The following ITGAL variants were observed in gnomAD, a reference collection of about 807,000 sequenced individuals.
The protein encoded by ITGAL is integrin subunit alpha L, also known as integrin alpha-L.
A neutral mutation model predicts 138.4 loss-of-function variants in ITGAL; 68 were observed. The ratio of observed to expected loss-of-function variants is 0.49; its 90% CI spans 0.40 to 0.60. ITGAL has a LOEUF of 0.60. ITGAL is among the 20% of genes least tolerant of loss of function. The probability of loss-of-function intolerance (pLI) is 0.00; values close to 1 mark genes in which losing one functional copy is unlikely to be tolerated. For synonymous variants in ITGAL, 561 were observed against 584.3 expected, an observed-to-expected ratio of 0.96 and a Z score of 0.57; for missense variants, 1,256 against 1,478.6, an observed-to-expected ratio of 0.85 and a Z score of 2.47.
chr16:30,499,733 A>ATATATATATT, intron 17 of ITGAL, among the ~76,000 whole-genome samples: 3 of 88,386 alleles, frequency 3.4e-5, no homozygotes, highest in African/African-American at 6.0e-5. Flanking sequence ...ATATATATAT[A>ATATATATATT]TTTTTTTTTT....
chr16:30,473,412 G>A (rs559414493), intron 1 of ITGAL, among the ~76,000 whole-genome samples: 98 of 152,356 alleles, frequency 6.4e-4, no homozygotes, highest in Non-Finnish European at 1.2e-3. Flanking sequence ...CAGCCTGGGT[G>A]ACAGAGCAAG....
Position 30,481,603 on chromosome 16 carries a change from G to A in ITGAL, c.722+19G>A, listed in dbSNP as rs756707999. The stretch of plus-strand genomic sequence containing the variant: ...ATGTCGCGTGAGTTCCCTTTTGCAG[G>A]AGAGCACGTGTCCTGTGATTTGTTC... On this transcript the variant is annotated intron_variant, in intron 7 of 30. Transcript: ENST00000356798. The A allele has an allele frequency of 1.9e-6, 3 of 1,612,640 alleles. No homozygotes were observed. The highest frequency in any genetic ancestry group is 2.5e-6 in the Non-Finnish European group (3 of 1,179,172).
intron 25 of ITGAL, among the ~76,000 whole-genome samples, chr16:30,515,831 G>A (rs1193591619): frequency 4.6e-5 from 7 of 152,148 alleles, no homozygotes; most frequent in Non-Finnish European, 7.3e-5. Context: ...AATTAGCTAG[G>A]TGTGGTGGTG....
At chr16:30,484,337 G>C (rs529546830) in intron 9 of ITGAL, 74 bp downstream of exon 9, 1 of 1,431,088 alleles carries the variant, frequency 7.0e-7, no homozygotes, top group Non-Finnish European at 9.5e-7. Context: ...GGCCGGGCTT[G>C]GTGGCTCACA....
At chr16:30,489,195 G>C (rs567186033) in intron 10 of ITGAL, 40 bp downstream of exon 10, 1 of 1,613,894 alleles carries the variant, frequency 6.2e-7, no homozygotes, top group South Asian at 1.1e-5. Context: ...AGGGAGTGCA[G>C]TTGGCTCTGG....
Position 30,499,073 on chromosome 16 carries a change from G to T in ITGAL, c.1833-1G>T. 6.2e-7 allele frequency: 1 copy of T among 1,613,746 alleles called. No homozygotes were observed. Among genetic ancestry groups the T allele is most frequent in the Non-Finnish European group, 8.5e-7 (1 of 1,179,814 alleles). ...AGAGTTGGTTGCCTTCTGCCCTGCA[G>T]CTCCCGGCCCGTGGTGGATATGGTC... On this transcript the variant is annotated splice_acceptor_variant, in intron 15 of 30. Transcript: ENST00000356798. LOFTEE classifies it high-confidence loss of function.
intron 28 of ITGAL, 43 bp downstream of exon 28, chr16:30,517,938 C>T (rs753698604): frequency 6.4e-7 from 1 of 1,562,912 alleles, no homozygotes; most frequent in Non-Finnish European, 8.8e-7. Context: ...TGTGGGGGCC[C>T]CAATGCCTGG....
intron 21 of ITGAL, among the ~76,000 whole-genome samples, chr16:30,509,848 G>A (rs1411824828): frequency 6.6e-6 from 1 of 151,960 alleles, no homozygotes; most frequent in African/African-American, 2.4e-5. Context: ...AGAGCAGCCT[G>A]AGTGACATAC....
In ITGAL at chr16:30,517,642, T is replaced by C; in HGVS notation, c.2977-7T>C. 1 of 1,613,562 alleles carries C rather than the reference T, an allele frequency of 6.2e-7. No individual in the cohort carries two copies. ...GCTCTAACTGAAGACCTGCCGCTTGTTCCTAGGAGCCTCCCGTGCCCTGCC... is the reference window on the plus strand; with the variant it reads ...GCTCTAACTGAAGACCTGCCGCTTGCTCCTAGGAGCCTCCCGTGCCCTGCC... On this transcript the variant is annotated splice_region_variant and splice_polypyrimidine_tract_variant and intron_variant, in intron 26 of 30. Transcript: ENST00000356798.
intron 9 of ITGAL, 73 bp from the exon 10 acceptor site, chr16:30,489,009 C>A: frequency 7.8e-7 from 1 of 1,275,704 alleles, no homozygotes; most frequent in South Asian, 1.2e-5. Flanking sequence ...CACTTCTTCC[C>A]CGTCCTGCCA....
intron 5 of ITGAL, 27 bp downstream of exon 5, chr16:30,479,235 A>C (rs1444342207): frequency 3.7e-6 from 6 of 1,613,402 alleles, no homozygotes; most frequent in Non-Finnish European, 5.1e-6. Flanking sequence ...TCATTGGGTA[A>C]AAATACCTCC....
At chr16:30,496,358 C>T (rs1373199276) in intron 14 of ITGAL, 64 bp downstream of exon 14, 3 of 1,608,662 alleles carry the variant, frequency 1.9e-6, no homozygotes, top group African/African-American at 2.7e-5. Context: ...AAGCCCAGAC[C>T]CCACTCCCCA....
chr16:30,502,818 T>G (rs200291339), intron 17 of ITGAL, among the ~76,000 whole-genome samples: 46,804 of 141,636 alleles, frequency 0.33, 9,389 homozygotes, highest in East Asian at 0.84. Context: ...TGTTTTAAAC[T>G]TTTTTTTTTT....
At chr16:30,475,446 A>G (rs865829779) in intron 3 of ITGAL, 46 bp downstream of exon 3, 1 of 1,602,506 alleles carries the variant, frequency 6.2e-7, no homozygotes, top group Non-Finnish European at 8.5e-7. Context: ...TCTTGGGGAA[A>G]CTGAGGCTGG....
intron 22 of ITGAL, 35 bp downstream of exon 22, chr16:30,510,506 T>A (rs777458496): frequency 3.2e-6 from 4 of 1,263,596 alleles, no homozygotes; most frequent in Non-Finnish European, 4.7e-6. Flanking sequence ...CCAAGCAGCC[T>A]AGGGGCCCTG....
At chr16:30,505,622 A>G (rs145162859) in intron 20 of ITGAL, among the ~76,000 whole-genome samples, 160 bp downstream of exon 20, 60 of 152,300 alleles carry the variant, frequency 3.9e-4, no homozygotes, top group African/African-American at 1.3e-3. Context: ...TCATGCCTAT[A>G]ATCCCAGCAC....
At chr16:30,492,353 T>TCCCA (rs1486154770) in intron 11 of ITGAL, among the ~76,000 whole-genome samples, 4 of 149,976 alleles carry the variant, frequency 2.7e-5, no homozygotes, top group African/African-American at 9.8e-5. Context: ...CAGGTTCAAC[T>TCCCA]GATTCTCTTG....
chr16:30,517,577 G>T (rs899818436), intron 26 of ITGAL, 72 bp from the exon 27 acceptor site: 41 of 1,312,054 alleles, frequency 3.1e-5, no homozygotes, highest in Non-Finnish European at 4.1e-5. Flanking sequence ...GCCAGGGCAG[G>T]GGAAAGCTGG....
At chr16:30,510,644 A>C (rs1459698225) in intron 22 of ITGAL, among the ~76,000 whole-genome samples, 173 bp downstream of exon 22, 2 of 152,074 alleles carry the variant, frequency 1.3e-5, no homozygotes, top group Non-Finnish European at 2.9e-5. Context: ...GAGAGCCTGG[A>C]CTTTAGAATC....
Sources: gnomAD v4.1 joint callset for allele counts (sites outside exome capture counted in the v4.1 genomes callset) on GRCh38, gnomAD v4.1.1 for gene constraint, MANE v1.5 for transcripts, NCBI Gene and HGNC (gene_info 2026-07-23, HGNC 2026-07-21) for gene names.